The following FBXW8 variants were observed in gnomAD, a reference collection of about 807,000 sequenced individuals.
FBXW8 encodes the protein F-box and WD repeat domain containing 8, also known as F-box/WD repeat-containing protein 8.
FBXW8 carries 57 observed loss-of-function variants against 65.3 expected under a neutral mutation model. The observed-to-expected ratio is 0.87, with a 90% CI of 0.71 to 1.09. The LOEUF is 1.09. Among genes scored for constraint, FBXW8 ranks in the 50% least tolerant of loss-of-function variants. The probability of loss-of-function intolerance (pLI) is 0.00; values close to 1 mark genes in which losing one functional copy is unlikely to be tolerated. For synonymous variants in FBXW8, 308 were observed against 330.2 expected, an observed-to-expected ratio of 0.93 and a Z score of 0.73; for missense variants, 777 against 814.8, an observed-to-expected ratio of 0.95 and a Z score of 0.57.
rs1334941622 is a variant in FBXW8 at position 116,937,609 on chromosome 12, G to T, written c.424-7755G>T. On this transcript the variant is annotated intron_variant, in intron 2 of 10. Transcript: ENST00000652555. ...GACCATTGGGTTTTGCAAGTTGGAG[G>T]TCACTGGTGACCTTGACCAGGGTCA... Among the ~76,000 whole-genome samples the T allele has an allele frequency of 2.0e-5, 3 of 152,204 alleles. No homozygotes were observed. In the East Asian group the frequency reaches 5.8e-4, roughly 29 times the overall value.
intron 5 of FBXW8, among the ~76,000 whole-genome samples, chr12:116,976,860 C>T (rs1463484365): frequency 7.2e-5 from 11 of 151,996 alleles, no homozygotes; most frequent in Admixed American, 6.6e-4. Flanking sequence ...ATATATAAAA[C>T]GGGAAAGGCA....
chr12:117,009,404 A>G (rs1319584768), intron 7 of FBXW8, among the ~76,000 whole-genome samples: 3 of 152,056 alleles, frequency 2.0e-5, no homozygotes, highest in African/African-American at 7.2e-5. Context: ...CACCCCCTCA[A>G]AAAAACCAAA....
intron 1 of FBXW8, among the ~76,000 whole-genome samples, chr12:116,927,336 C>T (rs961429043): frequency 6.6e-6 from 1 of 152,210 alleles, no homozygotes; most frequent in African/African-American, 2.4e-5. Context: ...TAATAAATGA[C>T]ACCGAAGAAG....
chr12:116,952,323 C>A (rs931106541), intron 4 of FBXW8, among the ~76,000 whole-genome samples: 3 of 152,176 alleles, frequency 2.0e-5, no homozygotes, highest in African/African-American at 7.2e-5. Flanking sequence ...GAGTGTAACC[C>A]TGTCGTTTAG....
rs531387590 is a variant in FBXW8, at chr12:116,962,557, G to A, written c.678-2140G>A. Among the ~76,000 whole-genome samples the A allele has an allele frequency of 7.9e-5, 12 of 152,312 alleles. No individual in the cohort carries two copies. The East Asian group carries it at 2.1e-3, about 27-fold the overall frequency. Reference sequence around the variant, plus strand: ...ACACATGGTTAGCAGGAAGCAGAAGGACAGAGACTGGCAAGAAGGAAATAC... The same window carrying A: ...ACACATGGTTAGCAGGAAGCAGAAGAACAGAGACTGGCAAGAAGGAAATAC... On this transcript the variant is annotated intron_variant, in intron 4 of 10. Coordinates refer to ENST00000652555, the MANE Select transcript of FBXW8 (RefSeq NM_153348.3).
At chr12:117,026,133 C>G (rs916646933) in intron 9 of FBXW8, among the ~76,000 whole-genome samples, 2 of 152,384 alleles carry the variant, frequency 1.3e-5, no homozygotes, top group Admixed American at 1.3e-4. Context: ...CTCCCGCTGT[C>G]CGCTTCAGTC....
At chr12:117,004,320 T>A (rs185938592) in intron 7 of FBXW8, among the ~76,000 whole-genome samples, 167 of 152,360 alleles carry the variant, frequency 1.1e-3, no homozygotes, top group South Asian at 5.0e-3. Context: ...CTTTATTTGA[T>A]CTTGCCTGGA....
chr12:116,976,612 C>T (rs2137418267), intron 5 of FBXW8, among the ~76,000 whole-genome samples: 1 of 142,674 alleles, frequency 7.0e-6, no homozygotes, highest in Non-Finnish European at 1.5e-5. Flanking sequence ...TGCACCACCA[C>T]ACCGGCTAAT....
chr12:117,028,100 C>CG lies in FBXW8; in HGVS notation c.1725_1726insG (p.Arg576AlafsTer5). ...CCTTCCAGAGCCCTCTCCCTGTCTG[C>CG]CGTTCATCCTGTGACGCCATGGCCA... On this transcript the variant is annotated frameshift_variant, in exon 11 of 11. Coordinates refer to ENST00000652555, the MANE Select transcript of FBXW8 (RefSeq NM_153348.3). LOFTEE classifies it low-confidence loss of function (END_TRUNC). This position sits in a 1 kb window ranked among gnomAD's most constrained non-coding sequence, Gnocchi z 4.1. The CG allele has an allele frequency of 6.2e-7, 1 of 1,614,160 alleles. No homozygotes were observed. Among genetic ancestry groups the CG allele is most frequent in the Admixed American group, 1.7e-5 (1 of 60,032 alleles).
At chr12:117,027,565 AC>A (rs939023355) in intron 10 of FBXW8, 61 bp downstream of exon 10, 580 of 1,147,678 alleles carry the variant, frequency 5.1e-4, no homozygotes, top group Middle Eastern at 7.5e-4. Flanking sequence ...ATAGAACCCC[AC>A]CCCCCCCGCC....
chr12:116,912,171 G>T (rs77947480), intron 1 of FBXW8, among the ~76,000 whole-genome samples: 2 of 131,030 alleles, frequency 1.5e-5, no homozygotes, highest in South Asian at 2.4e-4. Flanking sequence ...TTTTTTTCCT[G>T]TTTTTTTTTT....
At chr12:117,004,765 T>TG (rs1565937486) in intron 7 of FBXW8, among the ~76,000 whole-genome samples, 1 of 151,196 alleles carries the variant, frequency 6.6e-6, no homozygotes, top group East Asian at 1.9e-4. Flanking sequence ...GGCAGATGCT[T>TG]GGTCTCCTGT....
intron 7 of FBXW8, among the ~76,000 whole-genome samples, chr12:116,999,964 C>T (rs932830228): frequency 6.6e-6 from 1 of 151,682 alleles, no homozygotes; most frequent in African/African-American, 2.4e-5. Context: ...TTGTACAGAA[C>T]ACAGGGTCTG....
At chr12:116,971,877 C>T (rs1379335101) in intron 5 of FBXW8, among the ~76,000 whole-genome samples, 1 of 152,080 alleles carries the variant, frequency 6.6e-6, no homozygotes, top group East Asian at 1.9e-4. Context: ...TTTTTCACAC[C>T]AAGTGGCGTC....
intron 8 of FBXW8, among the ~76,000 whole-genome samples, chr12:117,019,083 G>A (rs1592965750): frequency 6.6e-6 from 1 of 152,194 alleles, no homozygotes; most frequent in South Asian, 2.1e-4. Context: ...GCATGCCTAA[G>A]GATAGGTGTC....
intron 2 of FBXW8, among the ~76,000 whole-genome samples, chr12:116,931,361 T>A (rs1446116801): frequency 6.6e-6 from 1 of 152,234 alleles, no homozygotes; most frequent in African/African-American, 2.4e-5. Flanking sequence ...CTTTGGCTAT[T>A]TGCAGTGTTT....
intron 8 of FBXW8, among the ~76,000 whole-genome samples, chr12:117,016,653 T>G (rs1280216777): frequency 1.3e-5 from 2 of 152,108 alleles, no homozygotes; most frequent in African/African-American, 4.8e-5. Context: ...TTTTTTTTTT[T>G]TTTTCCTTTT....
At chr12:116,968,976 C>G (rs1204366657) in intron 5 of FBXW8, among the ~76,000 whole-genome samples, 4 of 151,954 alleles carry the variant, frequency 2.6e-5, no homozygotes, top group Non-Finnish European at 5.9e-5. Flanking sequence ...CTCGGAGAGC[C>G]CATTTCTACC....
intron 1 of FBXW8, among the ~76,000 whole-genome samples, chr12:116,915,545 A>G (rs1396820833): frequency 6.8e-6 from 1 of 146,022 alleles, no homozygotes; most frequent in Non-Finnish European, 1.5e-5. Context: ...GTTCCCTTCC[A>G]CCCAAGGGTA....
Sources: allele counts gnomAD v4.1 joint callset (sites outside exome capture counted in the v4.1 genomes callset), GRCh38; gene constraint gnomAD v4.1.1; non-coding constraint Gnocchi (gnomAD v3.1); transcripts MANE v1.5; gene names NCBI Gene and HGNC (gene_info 2026-07-23, HGNC 2026-07-21).